The following NLRP6 variants were observed in gnomAD, a reference collection of about 807,000 sequenced individuals.
NLRP6 encodes NLR family pyrin domain containing 6, also known as NACHT, LRR and PYD domains-containing protein 6.
In NLRP6, 55 loss-of-function variants were observed where a neutral mutation model predicts 70.9. The observed-to-expected ratio is 0.78, with a 90% CI of 0.62 to 0.97. The LOEUF (loss-of-function observed/expected upper bound fraction) is 0.97. NLRP6 is among the 50% of genes least tolerant of loss of function. The pLI, the probability that NLRP6 is intolerant of heterozygous loss-of-function variation, is 0.00. For missense variants in NLRP6, 1,241 were observed against 1,238.3 expected, an observed-to-expected ratio of 1.00 and a Z score of -0.03; for synonymous variants, 652 against 581.9, an observed-to-expected ratio of 1.12 and a Z score of -1.73.
In NLRP6 at chr11:280,449, G is replaced by C. The variant is rs1845453825; in HGVS notation, c.715G>C (p.Glu239Gln). The part of the protein sequence containing the change: ...VDFAFFMPCG[E>Q]LLERPGTRSL... ...CTTCGCCTTCTTCATGCCCTGCGGC[G>C]AGCTGCTGGAGAGGCCGGGCACGCG... The change falls in exon 4 of 8, where the codon GAG becomes CAG. Residue 239 changes from glutamate to glutamine, a missense_variant. Glu to Gln is a conservative substitution (Grantham distance 29). Transcript: ENST00000534750. 2 of 1,592,474 alleles carry C rather than the reference G, an allele frequency of 1.3e-6. No homozygotes were observed. Among genetic ancestry groups the C allele is most frequent in the African/African-American group, 1.4e-5 (1 of 73,958 alleles).
chr11:278,452 G>C lies in NLRP6; in HGVS notation c.-118G>C. The C allele has an allele frequency of 1.3e-6, 1 of 780,536 alleles. No homozygotes were observed. The highest frequency in any genetic ancestry group is 2.0e-6 in the Non-Finnish European group (1 of 505,184). 48.4% of individuals were successfully genotyped at this position (780,536 alleles called of 1,614,324 possible). On this transcript the variant is annotated 5_prime_UTR_variant, in exon 1 of 8. Transcript: ENST00000534750. This position sits in a 1 kb window ranked among gnomAD's most constrained non-coding sequence, Gnocchi z 4.7. Reference sequence around the variant, plus strand: ...AGCTGAGCTGCGGTGTGTGGACCCGGGGAATGGACCGGGCTGGACAACCTC... The same window carrying C: ...AGCTGAGCTGCGGTGTGTGGACCCGCGGAATGGACCGGGCTGGACAACCTC...
intron 4 of NLRP6, 121 bp downstream of exon 4, chr11:281,960 A>C: frequency 5.8e-6 from 5 of 858,642 alleles, no homozygotes; most frequent in Non-Finnish European, 8.7e-6. Context: ...GGCTCCCCAG[A>C]TGGGGAGGCT....
chr11:279,551 T>C lies in NLRP6; in HGVS notation c.254T>C (p.Leu85Pro). Residue 85 changes from leucine to proline, a missense_variant, in exon 2 of 8, where the codon CTC becomes CCC. Coordinates refer to ENST00000534750, the MANE Select transcript of NLRP6 (RefSeq NM_001276700.2). ...GCCCTGGAGGTGGCCCGCAAGACCC[T>C]CAAGAGGGCGGACGCGCGCGACGTG... is the stretch of plus-strand genomic sequence containing the variant. ...EPALEVARKT[L>P]KRADARDVAA... The C allele has an allele frequency of 1.4e-6, 2 of 1,439,908 alleles. No individual in the cohort carries two copies. Among genetic ancestry groups the C allele is most frequent in the Non-Finnish European group, 1.8e-6 (2 of 1,099,644 alleles). The allele number at this position is 1,439,908 out of a possible 1,614,324, so 89.2% of individuals were successfully genotyped here.
At position 280,715 on chromosome 11, in the gene NLRP6, C is replaced by A; in HGVS notation, c.981C>A (p.Arg327=). The change falls in exon 4 of 8, where the codon CGC becomes CGA. Residue 327 remains arginine, a synonymous_variant. Coordinates refer to ENST00000534750, the MANE Select transcript of NLRP6 (RefSeq NM_001276700.2). ...CGGCCCTCCTGCTGGTGACCACGCG[C>A]GCCGCCGCCCCCGGGAGGCTGCAGG... The part of the protein sequence containing the change: ...LPTALLLVTT[R]AAAPGRLQGR... The A allele has an allele frequency of 6.4e-7, 1 of 1,572,268 alleles. No individual in the cohort carries two copies. Among genetic ancestry groups the A allele is most frequent in the Non-Finnish European group, 8.6e-7 (1 of 1,160,796 alleles).
chr11:284,299 A>AC lies in NLRP6; in HGVS notation c.2269dup (p.Leu757ProfsTer13). 1 of 1,612,644 alleles carries AC rather than the reference A, an allele frequency of 6.2e-7. No homozygotes were observed. The highest frequency in any genetic ancestry group is 8.5e-7 in the Non-Finnish European group (1 of 1,179,920). On this transcript the variant is annotated frameshift_variant, in exon 6 of 8. Coordinates refer to ENST00000534750, the MANE Select transcript of NLRP6 (RefSeq NM_001276700.2). LOFTEE classifies it high-confidence loss of function. ...CTGAGGCCCTGAGGGCAGCCCCCGC[A>AC]CTGACGGAGCTGGGCCTCCTCCACA...
rs1174689602 is a variant in NLRP6, at chr11:280,572, G to C, written c.838G>C (p.Gly280Arg). 5 of 1,469,138 alleles carry C rather than the reference G, an allele frequency of 3.4e-6. No homozygotes were observed. The highest frequency in any genetic ancestry group is 2.7e-5 in the Admixed American group (1 of 37,278). 91.0% of individuals were successfully genotyped at this position (1,469,138 alleles called of 1,614,324 possible). The change falls in exon 4 of 8, where the codon GGC (glycine) becomes CGC (arginine). Residue 280 changes from glycine (G) to arginine (R), a missense_variant. Coordinates refer to ENST00000534750, the MANE Select transcript of NLRP6 (RefSeq NM_001276700.2). ...GCAGCGGCTGCTCTTCATCCTGGAC[G>C]GCGCGGACGAGCTGCCGGCGCTGGG... ...QPQRLLFILD[G>R]ADELPALGGP... is the part of the protein sequence containing the mutation.
chr11:283,406 C>T (rs530151424), intron 5 of NLRP6, among the ~76,000 whole-genome samples: 137 of 151,358 alleles, frequency 9.1e-4, no homozygotes, highest in African/African-American at 3.0e-3. Flanking sequence ...CTCCGCCTCC[C>T]GGGTTCACGC....
At chr11:285,102 G>T in intron 7 of NLRP6, 64 bp from the exon 8 acceptor site, 1 of 1,507,168 alleles carries the variant, frequency 6.6e-7, no homozygotes, top group Non-Finnish European at 9.0e-7. Context: ...CCACGGCACT[G>T]CCCCCAAGCC....
intron 5 of NLRP6, 75 bp from the exon 6 acceptor site, chr11:284,155 G>A (rs940940439): frequency 3.8e-5 from 52 of 1,365,172 alleles, no homozygotes; most frequent in African/African-American, 1.3e-4. Flanking sequence ...ACCGGGCAGC[G>A]GGCATTTTGT....
At position 281,394 on chromosome 11, in the gene NLRP6, G is replaced by A. The variant is rs773686380; in HGVS notation, c.1660G>A (p.Glu554Lys). Residue 554 changes from glutamate to lysine, a missense_variant, in exon 4 of 8, where the codon GAG becomes AAG. Glu to Lys is a moderately conservative substitution (Grantham distance 56). Coordinates refer to ENST00000534750, the MANE Select transcript of NLRP6 (RefSeq NM_001276700.2). ...TRFLFGLLSAERMRDIERHFG... is the reference protein window; with the variant it reads ...TRFLFGLLSAKRMRDIERHFG... ...CTTCCTCTTCGGACTGCTGAGCGCG[G>A]AGCGGATGCGCGACATCGAGCGCCA... 3.7e-6 allele frequency: 6 copies of A among 1,609,548 alleles called. No homozygotes were observed. In the African/African-American group the frequency reaches 8.0e-5, roughly 21 times the overall value.
chr11:279,905 C>G (rs1295493336), intron 3 of NLRP6, 33 bp downstream of exon 3: 2 of 1,497,200 alleles, frequency 1.3e-6, no homozygotes, highest in Non-Finnish European at 8.9e-7. Context: ...ACGAGTGTCC[C>G]CAACCCCACT....
chr11:281,003 C>A lies in NLRP6; in HGVS notation c.1269C>A (p.Ile423=), dbSNP rs139076391. The A allele has an allele frequency of 1.9e-6, 3 of 1,613,010 alleles. No individual in the cohort carries two copies. The African/African-American group carries it at 4.0e-5, about 22-fold the overall frequency. The change falls in exon 4 of 8, where the codon ATC becomes ATA. Residue 423 remains isoleucine, a synonymous_variant. Coordinates refer to ENST00000534750, the MANE Select transcript of NLRP6 (RefSeq NM_001276700.2). ...KTTTSVYLLF[I]TSVLSSAPVA... is the part of the protein sequence containing the mutation. ...CCACGTCAGTGTACCTGCTTTTCAT[C>A]ACCAGCGTTCTGAGCTCGGCTCCGG...
At position 280,590 on chromosome 11, in the gene NLRP6, G is replaced by A. The variant is rs1337349596; in HGVS notation, c.856G>A (p.Ala286Thr). 3 of 1,446,878 alleles carry A rather than the reference G, an allele frequency of 2.1e-6. No individual in the cohort carries two copies. Among genetic ancestry groups the A allele is most frequent in the Admixed American group, 6.0e-5 (2 of 33,120 alleles). The allele number at this position is 1,446,878 out of a possible 1,614,324, so 89.6% of individuals were successfully genotyped here. A position where few individuals can be genotyped will look rare whatever the true frequency, so the allele number is the denominator to read the frequency against. ...FILDGADELP[A>T]LGGPEAAPCT... ...CCTGGACGGCGCGGACGAGCTGCCG[G>A]CGCTGGGGGGCCCCGAGGCCGCGCC... is the stretch of plus-strand genomic sequence containing the variant. The change falls in exon 4 of 8, where the codon GCG (alanine) becomes ACG (threonine). Residue 286 changes from alanine to threonine, a missense_variant. By Grantham distance (58) the Ala-to-Thr change is moderately conservative. Coordinates refer to ENST00000534750, the MANE Select transcript of NLRP6 (RefSeq NM_001276700.2).
intron 3 of NLRP6, 100 bp downstream of exon 3, chr11:279,972 C>A (rs1845443339): frequency 2.1e-6 from 3 of 1,413,054 alleles, no homozygotes; most frequent in East Asian, 2.6e-5. Context: ...GGGCTGTGGT[C>A]CCGTAGAGGA....
At chr11:283,475 G>A (rs554474511) in intron 5 of NLRP6, among the ~76,000 whole-genome samples, 14 of 151,936 alleles carry the variant, frequency 9.2e-5, no homozygotes, top group Non-Finnish European at 7.4e-5. Flanking sequence ...CACTACGCCC[G>A]GCTAATTGTT....
chr11:284,486 C>G lies in NLRP6; in HGVS notation c.2381C>G (p.Pro794Arg). The change falls in exon 7 of 8, where the codon CCT becomes CGT. Residue 794 changes from proline to arginine, a missense_variant. Physicochemically the swap from Pro to Arg is moderately radical, Grantham distance 103. Transcript: ENST00000534750. ...CGGCCCTCCCACAGGGTACAGCTGC[C>G]TGACCCCCAGCGAGGGCTCCAGTAC... ...CRVQTVRVQL[P>R]DPQRGLQYLV... The G allele has an allele frequency of 6.2e-7, 1 of 1,612,834 alleles. No individual in the cohort carries two copies. The highest frequency in any genetic ancestry group is 8.5e-7 in the Non-Finnish European group (1 of 1,179,764).
intron 7 of NLRP6, among the ~76,000 whole-genome samples, chr11:284,898 G>A (rs910414043): frequency 3.9e-5 from 6 of 152,182 alleles, no homozygotes; most frequent in Non-Finnish European, 8.8e-5. Flanking sequence ...AGCACCCTGG[G>A]CCAGTGGCCC....
intron 1 of NLRP6, 185 bp from the exon 2 acceptor site, chr11:279,142 C>CGGGGGA (rs926004112): frequency 4.2e-6 from 2 of 477,402 alleles, no homozygotes; most frequent in Non-Finnish European, 6.6e-6. Flanking sequence ...GGTCCGGGGA[C>CGGGGGA]GGGGGAGGGA....
chr11:280,896 C>T lies in NLRP6; in HGVS notation c.1162C>T (p.Pro388Ser). ...GACGCTGTTCGCGCTGTGCTTCGTG[C>T]CCTTCGTGTGCTGGATCGTGTGCAC... ...NETLFALCFV[P>S]FVCWIVCTVL... Residue 388 changes from proline (P) to serine (S), a missense_variant, in exon 4 of 8, where the codon CCC (proline) becomes TCC (serine). By Grantham distance (74) the Pro-to-Ser change is moderately conservative. Transcript: ENST00000534750. 1 of 1,613,316 alleles carries T rather than the reference C, an allele frequency of 6.2e-7. No homozygotes were observed. The highest frequency in any genetic ancestry group is 8.5e-7 in the Non-Finnish European group (1 of 1,179,880).
Sources: allele counts gnomAD v4.1 joint callset (sites outside exome capture counted in the v4.1 genomes callset), GRCh38; gene constraint gnomAD v4.1.1; non-coding constraint Gnocchi (gnomAD v3.1); transcripts MANE v1.5; gene names NCBI Gene and HGNC (gene_info 2026-07-23, HGNC 2026-07-21).